ATP1A4: variants seen among roughly 807,000 people sequenced by gnomAD.
The protein encoded by ATP1A4 is sodium/potassium-transporting ATPase subunit alpha-4.
ATP1A4 carries 90 observed loss-of-function variants against 114.3 expected under a neutral mutation model. That is an observed-to-expected ratio of 0.79 (90% CI 0.66 to 0.94). ATP1A4 has a LOEUF of 0.94. Among genes scored for constraint, ATP1A4 ranks in the 40% least tolerant of loss-of-function variants. The probability of loss-of-function intolerance (pLI) is 0.00; values close to 1 mark genes in which losing one functional copy is unlikely to be tolerated. For synonymous variants in ATP1A4, 511 were observed against 494.1 expected, an observed-to-expected ratio of 1.03 and a Z score of -0.45; for missense variants, 1,222 against 1,313.6, an observed-to-expected ratio of 0.93 and a Z score of 1.08.
intron 18 of ATP1A4, among the ~76,000 whole-genome samples, chr1:160,181,295 G>A (rs1653690505): frequency 6.6e-6 from 1 of 152,154 alleles, no homozygotes; most frequent in Non-Finnish European, 1.5e-5. Context: ...AGTCACGCCT[G>A]TATTCCCAGC....
At chr1:160,176,905 G>A (rs925859098) in intron 17 of ATP1A4, among the ~76,000 whole-genome samples, 1 of 152,188 alleles carries the variant, frequency 6.6e-6, no homozygotes, top group Non-Finnish European at 1.5e-5. Flanking sequence ...GAGGCCTTAT[G>A]CAGGAAATAG....
At chr1:160,174,842 C>A (rs1246083355) in intron 15 of ATP1A4, 95 bp downstream of exon 15, 2 of 1,551,786 alleles carry the variant, frequency 1.3e-6, no homozygotes, top group African/African-American at 1.4e-5. Context: ...ATCATCCAAC[C>A]TCCATGAGCC....
chr1:160,167,482 T>C, intron 10 of ATP1A4, 70 bp downstream of exon 10: 1 of 1,581,462 alleles, frequency 6.3e-7, no homozygotes, highest in Non-Finnish European at 8.6e-7. Context: ...AGGGGAGCTT[T>C]GCCTCTGCCT....
chr1:160,171,533 A>G, intron 11 of ATP1A4, 52 bp from the exon 12 acceptor site: 26 of 1,598,504 alleles, frequency 1.6e-5, no homozygotes, highest in Non-Finnish European at 2.2e-5. Flanking sequence ...GTAAGCAGAT[A>G]GGAATGTAGA....
In ATP1A4 at chr1:160,186,345, C is replaced by A. The variant is rs529269986; in HGVS notation, c.3039C>A (p.Leu1013=). 6.2e-7 allele frequency: 1 copy of A among 1,613,674 alleles called. No individual in the cohort carries two copies. The highest frequency in any genetic ancestry group is 2.2e-5 in the East Asian group (1 of 44,878). Residue 1013 remains leucine, a synonymous_variant, in exon 21 of 22, where the codon CTC becomes CTA. Coordinates refer to ENST00000368081, the MANE Select transcript of ATP1A4 (RefSeq NM_144699.4). ...LIFVYDEIRK[L]LIRQHPDGWV... ...TCGTCTATGATGAAATCAGAAAACT[C>A]CTCATCCGTCAGCACCCGGATGGTG...
intron 5 of ATP1A4, 33 bp downstream of exon 5, chr1:160,159,169 C>T (rs1435842435): frequency 6.2e-6 from 10 of 1,602,464 alleles, no homozygotes; most frequent in South Asian, 3.3e-5. Context: ...GTGAGGGACC[C>T]AAGCGTGATC....
intron 7 of ATP1A4, 121 bp downstream of exon 7, chr1:160,164,545 G>A: frequency 9.6e-7 from 1 of 1,036,650 alleles, no homozygotes; most frequent in Non-Finnish European, 1.4e-6. Flanking sequence ...TATGTAAATA[G>A]GTATCAGGAA....
At position 160,174,585 on chromosome 1, in the gene ATP1A4, G is replaced by C; in HGVS notation, c.2149G>C (p.Val717Leu). ...TCTGTCTGGACTTCCTCAGGGAGCC[G>C]TTGTGGCCGTGACAGGTGACGGGGT... ...IVEGCQRLGAVVAVTGDGVND... is the reference protein window; with the variant it reads ...IVEGCQRLGALVAVTGDGVND... The change falls in exon 15 of 22, where the codon GTT (valine) becomes CTT (leucine). Residue 717 changes from valine (V) to leucine (L), a missense_variant. Coordinates refer to ENST00000368081, the MANE Select transcript of ATP1A4 (RefSeq NM_144699.4). 1.2e-6 allele frequency: 2 copies of C among 1,613,558 alleles called. No individual in the cohort carries two copies. Among genetic ancestry groups the C allele is most frequent in the Non-Finnish European group, 8.5e-7 (1 of 1,179,510 alleles).
intron 20 of ATP1A4, among the ~76,000 whole-genome samples, chr1:160,184,600 T>C (rs1653818388): frequency 6.6e-6 from 1 of 152,212 alleles, no homozygotes; most frequent in Non-Finnish European, 1.5e-5. Flanking sequence ...TGATTACATA[T>C]TTAACTGATA....
At chr1:160,186,086 C>CAAAAAAAAAA (rs527303426) in intron 20 of ATP1A4, among the ~76,000 whole-genome samples, 190 bp from the exon 21 acceptor site, 482 of 32,756 alleles carry the variant, frequency 0.015, 88 homozygotes, top group African/African-American at 0.041. Flanking sequence ...GACTCTGTCG[C>CAAAAAAAAAA]AAAAAAAAAA....
chr1:160,186,530 C>T (rs1557811089), intron 21 of ATP1A4, 141 bp from the exon 22 acceptor site: 2 of 1,096,364 alleles, frequency 1.8e-6, no homozygotes, highest in Admixed American at 2.0e-5. Context: ...TTGGCTGCAC[C>T]CCTCTGCTCC....
rs1397375855 is a variant in ATP1A4 at position 160,177,501 on chromosome 1, C to A, written c.2591-18C>A. ...CTCTGAACCAGGCTCCCCTGTCCTG[C>A]AACTCTGTCATTCACAGGGATGATC... On this transcript the variant is annotated intron_variant, in intron 17 of 21. Coordinates refer to ENST00000368081, the MANE Select transcript of ATP1A4 (RefSeq NM_144699.4). 3 of 1,613,166 alleles carry A rather than the reference C, an allele frequency of 1.9e-6. No individual in the cohort carries two copies. Among genetic ancestry groups the A allele is most frequent in the Middle Eastern group, 1.8e-4 (1 of 5,676 alleles).
At chr1:160,152,315 G>A (rs1652487111) in intron 1 of ATP1A4, 128 bp downstream of exon 1, 3 of 1,084,990 alleles carry the variant, frequency 2.8e-6, no homozygotes, top group African/African-American at 1.6e-5. Context: ...AGGCTTTGGA[G>A]GGAAGGAGAG....
intron 17 of ATP1A4, chr1:160,177,279 G>A: frequency 2.1e-6 from 1 of 470,072 alleles, no homozygotes; most frequent in Non-Finnish European, 3.8e-6. Context: ...TTAAGACCAT[G>A]TGATTCAAAG....
chr1:160,162,343 T>G (rs1000798101), intron 6 of ATP1A4, among the ~76,000 whole-genome samples: 1 of 152,170 alleles, frequency 6.6e-6, no homozygotes, highest in East Asian at 1.9e-4. Context: ...GTGGCCTGCA[T>G]CATGTGTGTG....
At chr1:160,173,833 G>A in intron 13 of ATP1A4, 116 bp downstream of exon 13, 1 of 1,309,984 alleles carries the variant, frequency 7.6e-7, no homozygotes, top group Non-Finnish European at 1.0e-6. Flanking sequence ...GGATGTGTGG[G>A]GTTTACACTA....
At chr1:160,177,464 T>G in intron 17 of ATP1A4, 55 bp from the exon 18 acceptor site, 7 of 1,591,432 alleles carry the variant, frequency 4.4e-6, no homozygotes, top group Non-Finnish European at 6.0e-6. Flanking sequence ...TGGCCTACCT[T>G]TTGGGGCCCT....
Position 160,181,965 on chromosome 1 carries a change from C to T in ATP1A4, c.2903C>T (p.Thr968Ile). 6.2e-7 allele frequency: 1 copy of T among 1,614,164 alleles called. No homozygotes were observed. The highest frequency in any genetic ancestry group is 1.1e-5 in the South Asian group (1 of 91,084). Reference sequence around the variant, plus strand: ...TTAATATTTGGGATCCTGGAGGAGACACTCTTGGCTGCATTTCTGTCCTAC... The same window carrying T: ...TTAATATTTGGGATCCTGGAGGAGATACTCTTGGCTGCATTTCTGTCCTAC... ...KVLIFGILEETLLAAFLSYTP... is the reference protein window; with the variant it reads ...KVLIFGILEEILLAAFLSYTP... The change falls in exon 20 of 22, where the codon ACA becomes ATA. Residue 968 changes from threonine to isoleucine, a missense_variant. By Grantham distance (89) the Thr-to-Ile change is moderately conservative. Coordinates refer to ENST00000368081, the MANE Select transcript of ATP1A4 (RefSeq NM_144699.4).
Position 160,155,194 on chromosome 1 carries a change from C to T in ATP1A4, c.357C>T (p.Cys119=). ...SLLLWTGAIL[C]FVAYSIQIYF... is the part of the protein sequence containing the mutation. ...TACTATGGACTGGGGCCATTCTCTG[C>T]TTTGTGGCCTACAGCATCCAGATAT... Residue 119 remains cysteine, a synonymous_variant, in exon 3 of 22, where the codon TGC becomes TGT. Transcript: ENST00000368081. The T allele has an allele frequency of 1.2e-6, 2 of 1,613,612 alleles. No homozygotes were observed. The highest frequency in any genetic ancestry group is 8.5e-7 in the Non-Finnish European group (1 of 1,179,924).
Sources: allele counts gnomAD v4.1 joint callset (sites outside exome capture counted in the v4.1 genomes callset), GRCh38; gene constraint gnomAD v4.1.1; transcripts MANE v1.5; gene names NCBI Gene and HGNC (gene_info 2026-07-23, HGNC 2026-07-21).